Variants in CDNF observed in about 807,000 individuals in gnomAD.
The protein encoded by CDNF is cerebral dopamine neurotrophic factor.
In CDNF, 9 loss-of-function variants were observed where a neutral mutation model predicts 14.8. The observed-to-expected ratio is 0.61, with a 90% confidence interval of 0.37 to 1.06. The LOEUF is 1.06. CDNF is among the 50% of genes least tolerant of loss of function. The pLI is 0.01. For synonymous variants in CDNF, 86 were observed against 87.2 expected, an observed-to-expected ratio of 0.99 and a Z score of 0.07; for missense variants, 228 against 228.4, an observed-to-expected ratio of 1.00 and a Z score of 0.01.
rs371658700 is a variant in CDNF, at chr10:14,837,869, G to A, written c.78C>T (p.Gly26=). 67 of 1,604,590 alleles carry A rather than the reference G, an allele frequency of 4.2e-5. 1 individual carries two copies. The highest frequency in any genetic ancestry group is 1.1e-5 in the Non-Finnish European group (13 of 1,177,664). ...LLVSHPVLTQ[G]QEAGGRPGAD... is the part of the protein sequence containing the mutation. Reference sequence around the variant, plus strand: ...CCCCTGGCCGCCCCCCGGCCTCCTGGCCCTGCGTCAGCACCGGGTGAGAGA... The same window carrying A: ...CCCCTGGCCGCCCCCCGGCCTCCTGACCCTGCGTCAGCACCGGGTGAGAGA... The change falls in exon 1 of 4, where the codon GGC becomes GGT. Residue 26 remains glycine (G), a synonymous_variant. Transcript: ENST00000465530.
chr10:14,831,549 T>TAC (rs879601256), intron 1 of CDNF, among the ~76,000 whole-genome samples: 10,234 of 147,238 alleles, frequency 0.07, 412 homozygotes, highest in East Asian at 0.12. Flanking sequence ...AATACATATA[T>TAC]ACACACACAC....
intron 1 of CDNF, among the ~76,000 whole-genome samples, chr10:14,836,960 AAAAC>A (rs1290842422): frequency 1.3e-5 from 2 of 152,212 alleles, no homozygotes; most frequent in South Asian, 2.1e-4. Context: ...ACAAAACAAC[AAAAC>A]AAACAAAAAC....
chr10:14,830,437 G>A (rs1320450424), intron 1 of CDNF, among the ~76,000 whole-genome samples: 1 of 152,132 alleles, frequency 6.6e-6, no homozygotes, highest in Non-Finnish European at 1.5e-5. Flanking sequence ...TCTCACTTAT[G>A]TGCCCTTCTT....
chr10:14,828,854 C>CACAAAAAAACAAAA (rs1833821036), intron 1 of CDNF, among the ~76,000 whole-genome samples: 1 of 149,748 alleles, frequency 6.7e-6, no homozygotes, highest in African/African-American at 2.5e-5. Context: ...AAAAAAAAAA[C>CACAAAAAAACAAAA]ACAAAAAAAC....
At chr10:14,826,203 A>C (rs1227910574) in intron 2 of CDNF, among the ~76,000 whole-genome samples, 5 of 149,652 alleles carry the variant, frequency 3.3e-5, no homozygotes, top group African/African-American at 1.3e-4. Flanking sequence ...GCAGAAGAAG[A>C]AGAAGAAGAA....
chr10:14,826,305 CAGA>C (rs1833791704), intron 2 of CDNF, among the ~76,000 whole-genome samples: 2 of 139,946 alleles, frequency 1.4e-5, no homozygotes, highest in Admixed American at 7.2e-5. Context: ...GAAGCAGCAG[CAGA>C]AGAAGCAGCA....
rs1554764000 is a variant in CDNF, at chr10:14,826,029, G to GAGAAGGAGAAGAAGAAGA, written c.244-410_244-409insTCTTCTTCTTCTCCTTCT. On this transcript the variant is annotated intron_variant, in intron 2 of 3. Transcript: ENST00000465530. Reference sequence around the variant, plus strand: ...GAAGCAGAAGCAGAAGAAGAAGAAGGAGAAGAAGAAGAAGAAGAAGAAGAA... The same window carrying GAGAAGGAGAAGAAGAAGA: ...GAAGCAGAAGCAGAAGAAGAAGAAGGAGAAGGAGAAGAAGAAGAAGAAGAAGAAGAAGAAGAAGAAGAA... Among the ~76,000 whole-genome samples, 55 of 86,198 alleles carry GAGAAGGAGAAGAAGAAGA rather than the reference G, an allele frequency of 6.4e-4. 3 individuals carry two copies. Among genetic ancestry groups the GAGAAGGAGAAGAAGAAGA allele is most frequent in the African/African-American group, 2.6e-3 (50 of 19,298 alleles). 56.5% of individuals were successfully genotyped at this position (86,198 alleles called of 152,430 possible). A position where few individuals can be genotyped will look rare whatever the true frequency, so the allele number is the denominator to read the frequency against.
chr10:14,830,266 T>C (rs1159898161), intron 1 of CDNF, among the ~76,000 whole-genome samples: 1 of 152,190 alleles, frequency 6.6e-6, no homozygotes, highest in Non-Finnish European at 1.5e-5. Context: ...CTTTGCTCAG[T>C]GTCAAGGTAA....
rs547981070 is a variant in CDNF, at chr10:14,832,766, C to T, written c.116-4494G>A. ...ATAATTTTGGCCAAGAAACTGGAAC[C>T]GTGGAGTTGCCATCTGCTGAAATGA... On this transcript the variant is annotated intron_variant, in intron 1 of 3. Coordinates refer to ENST00000465530, the MANE Select transcript of CDNF (RefSeq NM_001029954.3). 9.2e-5 allele frequency among the ~76,000 whole-genome samples: 14 copies of T among 151,414 alleles called. No homozygotes were observed. The South Asian group carries it at 2.7e-3, about 29-fold the overall frequency.
intron 2 of CDNF, 44 bp from the exon 3 acceptor site, chr10:14,825,664 C>T (rs1438093989): frequency 1.9e-6 from 3 of 1,580,432 alleles, no homozygotes; most frequent in South Asian, 2.2e-5. Flanking sequence ...ACAATGAAGA[C>T]ATTCAGTATC....
chr10:14,837,514 A>G (rs1194646975), intron 1 of CDNF, among the ~76,000 whole-genome samples: 1 of 152,236 alleles, frequency 6.6e-6, no homozygotes, highest in East Asian at 1.9e-4. Flanking sequence ...GCTGGTTGGA[A>G]GCAGCAGAAT....
chr10:14,827,031 C>T (rs1248684938), intron 2 of CDNF, among the ~76,000 whole-genome samples: 1 of 98,696 alleles, frequency 1.0e-5, no homozygotes, highest in Admixed American at 1.6e-4. Flanking sequence ...GCCTGGGCTA[C>T]AAGGCCAAAC....
At chr10:14,826,211 G>T (rs1289922961) in intron 2 of CDNF, among the ~76,000 whole-genome samples, 1 of 150,162 alleles carries the variant, frequency 6.7e-6, no homozygotes, top group African/African-American at 2.5e-5. Context: ...AGAAGAAGAA[G>T]AAGAAGAAGC....
intron 1 of CDNF, chr10:14,834,396 TA>T (rs1833869829): frequency 6.6e-6 from 1 of 152,080 alleles, no homozygotes; most frequent in Non-Finnish European, 1.5e-5. Flanking sequence ...TAGGAGCCTC[TA>T]ATTCTTGTCT....
intron 2 of CDNF, among the ~76,000 whole-genome samples, chr10:14,826,103 GCAGCAGC>G (rs1833785264): frequency 7.8e-6 from 1 of 127,596 alleles, no homozygotes; most frequent in African/African-American, 3.4e-5. Context: ...AGAAGCAGCA[GCAGCAGC>G]AGCAGCAGCA....
chr10:14,826,411 G>A (rs918277204), intron 2 of CDNF, among the ~76,000 whole-genome samples: 12 of 143,810 alleles, frequency 8.3e-5, no homozygotes, highest in African/African-American at 3.5e-4. Context: ...AGCAGCAGCA[G>A]CAGAAGCAGC....
chr10:14,823,442 G>C (rs1833754183), intron 3 of CDNF, among the ~76,000 whole-genome samples: 1 of 152,120 alleles, frequency 6.6e-6, no homozygotes, highest in Admixed American at 6.5e-5. Flanking sequence ...AAGATCCCTA[G>C]GATATAGGAG....
rs576731160 is a variant in CDNF at position 14,826,452 on chromosome 10, CAGA to C, written c.244-835_244-833del. On this transcript the variant is annotated intron_variant, in intron 2 of 3. Transcript: ENST00000465530. ...CAGCAGAAGAAAGAAGCAGAAGAAG[CAGA>C]AGAAGAAAGAAGCAGAAGAAGAAGA... 8.2e-4 allele frequency among the ~76,000 whole-genome samples: 110 copies of C among 133,860 alleles called. No individual in the cohort carries two copies. In the East Asian group the frequency reaches 9.0e-3, roughly 11 times the overall value. The allele number at this position is 133,860 out of a possible 152,430, so 87.8% of individuals were successfully genotyped here.
At chr10:14,836,985 T>A (rs1340186725) in intron 1 of CDNF, among the ~76,000 whole-genome samples, 2 of 152,118 alleles carry the variant, frequency 1.3e-5, no homozygotes, top group African/African-American at 4.8e-5. Flanking sequence ...ACAACTTTAG[T>A]ACGACTATAC....
Sources: allele counts gnomAD v4.1 joint callset (sites outside exome capture counted in the v4.1 genomes callset), GRCh38; gene constraint gnomAD v4.1.1; transcripts MANE v1.5; gene names NCBI Gene and HGNC (gene_info 2026-07-23, HGNC 2026-07-21).